The following PAK2 variants were observed in gnomAD, a reference collection of about 807,000 sequenced individuals.
PAK2 encodes the protein p21 (RAC1) activated kinase 2.
PAK2 carries 21 observed loss-of-function variants against 65.9 expected under a neutral mutation model. That is an observed-to-expected ratio of 0.32 (90% CI 0.23 to 0.46). The LOEUF (loss-of-function observed/expected upper bound fraction) is 0.46. Among genes scored for constraint, PAK2 ranks in the 20% least tolerant of loss-of-function variants. The pLI, the probability that PAK2 is intolerant of heterozygous loss-of-function variation, is 1.00. For missense variants in PAK2, 324 were observed against 642.6 expected (o/e 0.50, Z 5.36); for synonymous variants, 204 against 219.7 (o/e 0.93, Z 0.63).
intron 8 of PAK2, 140 bp from the exon 9 acceptor site, chr3:196,812,079 T>G (rs1715846723): frequency 1.8e-6 from 1 of 548,182 alleles, no homozygotes; most frequent in Non-Finnish European, 3.4e-6. Flanking sequence ...CCTCAGGTTT[T>G]TGCTTTTACT....
At chr3:196,821,923 G>T (rs550828265) in intron 13 of PAK2, among the ~76,000 whole-genome samples, 1 of 152,276 alleles carries the variant, frequency 6.6e-6, no homozygotes, top group South Asian at 2.1e-4. Context: ...CAAACCTGGT[G>T]AACAGTGGAA....
intron 2 of PAK2, among the ~76,000 whole-genome samples, chr3:196,796,736 A>G (rs578215354): frequency 3.9e-5 from 6 of 152,314 alleles, no homozygotes; most frequent in African/African-American, 1.4e-4. Context: ...GCCAAAATGA[A>G]AGGATACAAA....
chr3:196,804,840 T>C (rs1021306829), intron 4 of PAK2, among the ~76,000 whole-genome samples: 4 of 150,742 alleles, frequency 2.7e-5, no homozygotes, highest in African/African-American at 9.8e-5. Context: ...TATATATATA[T>C]ATATACACAC....
chr3:196,765,511 CTT>C (rs556249909), intron 1 of PAK2, among the ~76,000 whole-genome samples: 109 of 152,260 alleles, frequency 7.2e-4, no homozygotes, highest in African/African-American at 2.2e-3. Context: ...TAAGAATTCT[CTT>C]TGTGCCATAT....
intron 1 of PAK2, among the ~76,000 whole-genome samples, chr3:196,771,126 G>A (rs536949889): frequency 6.6e-6 from 1 of 151,794 alleles, no homozygotes; most frequent in South Asian, 2.1e-4. Flanking sequence ...AAAAACAATT[G>A]TCTCAATGTT....
intron 1 of PAK2, among the ~76,000 whole-genome samples, chr3:196,770,987 GTC>G (rs1210973333): frequency 6.6e-6 from 1 of 151,696 alleles, no homozygotes; most frequent in Non-Finnish European, 1.5e-5. Flanking sequence ...TTTTCATTAT[GTC>G]TTTTTTTAAC....
intron 1 of PAK2, among the ~76,000 whole-genome samples, chr3:196,750,708 T>C (rs1713546388): frequency 6.6e-6 from 1 of 151,808 alleles, no homozygotes; most frequent in African/African-American, 2.4e-5. Context: ...TAAAACATAT[T>C]AATGCTTAAA....
intron 1 of PAK2, among the ~76,000 whole-genome samples, chr3:196,743,272 C>T (rs1262712227): frequency 1.3e-5 from 2 of 152,132 alleles, no homozygotes; most frequent in Admixed American, 1.3e-4. Flanking sequence ...CTCTGAGTTT[C>T]TTTAGTACTT....
At chr3:196,759,525 T>TTTTTTTTTTTTTTTTTG (rs1560092904) in intron 1 of PAK2, among the ~76,000 whole-genome samples, 7 of 131,686 alleles carry the variant, frequency 5.3e-5, no homozygotes, top group Admixed American at 2.5e-4. Flanking sequence ...TTTTTTTTTT[T>TTTTTTTTTTTTTTTTTG]TTTTTTTTTT....
rs142458693 is a variant in PAK2 at position 196,752,975 on chromosome 3, GA to G, written c.-22+12827del. ...AGGGTAACGTGAGAATGGGTTAAGAGAAAAAAAAATTTTTTTTTTTTTTGAG... is the reference window on the plus strand; with the variant it reads ...AGGGTAACGTGAGAATGGGTTAAGAGAAAAAAAATTTTTTTTTTTTTTGAG... On this transcript the variant is annotated intron_variant, in intron 1 of 14. Transcript: ENST00000327134. Among the ~76,000 whole-genome samples, 190 of 148,540 alleles carry G rather than the reference GA, an allele frequency of 1.3e-3. 3 individuals are homozygous for G. Among genetic ancestry groups the G allele is most frequent in the East Asian group, 1.6e-3 (8 of 4,978 alleles).
intron 1 of PAK2, among the ~76,000 whole-genome samples, chr3:196,775,468 C>A (rs111832067): frequency 6.6e-6 from 1 of 151,822 alleles, no homozygotes; most frequent in East Asian, 1.9e-4. Flanking sequence ...CTGCAAGCTC[C>A]GCCTCCCGGG....
intron 8 of PAK2, among the ~76,000 whole-genome samples, chr3:196,811,515 G>C (rs955965188): frequency 6.8e-6 from 1 of 146,240 alleles, no homozygotes; most frequent in African/African-American, 2.5e-5. Flanking sequence ...CCAAAGTGTT[G>C]GGATTACAGG....
intron 10 of PAK2, among the ~76,000 whole-genome samples, chr3:196,814,192 G>T (rs1214819600): frequency 6.6e-6 from 1 of 152,068 alleles, no homozygotes; most frequent in Non-Finnish European, 1.5e-5. Context: ...ATATTGTAGG[G>T]TTATTTTAAT....
intron 1 of PAK2, among the ~76,000 whole-genome samples, chr3:196,759,198 T>C (rs1447620693): frequency 1.3e-5 from 2 of 152,168 alleles, no homozygotes; most frequent in Non-Finnish European, 2.9e-5. Flanking sequence ...AGTAGTCCCA[T>C]TGAGAGACTG....
intron 1 of PAK2, among the ~76,000 whole-genome samples, chr3:196,768,788 C>G (rs1714266344): frequency 6.6e-6 from 1 of 151,904 alleles, no homozygotes; most frequent in Admixed American, 6.6e-5. Flanking sequence ...GCCTCAGCCT[C>G]TTGAGTAACT....
intron 1 of PAK2, among the ~76,000 whole-genome samples, chr3:196,766,467 C>T (rs568528959): frequency 3.9e-5 from 6 of 152,134 alleles, no homozygotes; most frequent in South Asian, 4.2e-4. Context: ...AATTCTGTTC[C>T]GTATTTTGGT....
chr3:196,741,142 A>G (rs1420679356), intron 1 of PAK2, among the ~76,000 whole-genome samples: 3 of 152,160 alleles, frequency 2.0e-5, no homozygotes, highest in African/African-American at 4.8e-5. Flanking sequence ...GGTTAGGCCT[A>G]AAATTAAACT....
intron 7 of PAK2, 29 bp from the exon 8 acceptor site, chr3:196,810,561 C>G (rs1267867581): frequency 1.6e-6 from 2 of 1,285,382 alleles, no homozygotes; most frequent in Non-Finnish European, 1.1e-6. Flanking sequence ...AAATGCTTGA[C>G]TGAGCTTCCA....
At chr3:196,805,533 G>A (rs2108758765) in intron 5 of PAK2, 150 bp downstream of exon 5, 1 of 498,030 alleles carries the variant, frequency 2.0e-6, no homozygotes, top group East Asian at 3.5e-5. Context: ...CACCTGATTA[G>A]TTGAAGAAGC....
Sources: gnomAD v4.1 joint callset for allele counts (sites outside exome capture counted in the v4.1 genomes callset) on GRCh38, gnomAD v4.1.1 for gene constraint, MANE v1.5 for transcripts, NCBI Gene and HGNC (gene_info 2026-07-23, HGNC 2026-07-21) for gene names.